The following PRDM1 variants were observed in gnomAD, a reference collection of about 807,000 sequenced individuals.
PRDM1 encodes the protein PR/SET domain 1, also known as PR domain zinc finger protein 1.
Under a neutral mutation model 62.8 loss-of-function variants are expected in PRDM1, and 13 were observed. That is an observed-to-expected ratio of 0.21 (90% confidence interval 0.13 to 0.33). PRDM1 has a LOEUF of 0.33. PRDM1 is among the 10% of genes least tolerant of loss of function. PRDM1 has a pLI of 1.00. For synonymous variants in PRDM1, 396 were observed against 417.6 expected (o/e 0.95, Z 0.63); for missense variants, 895 against 1,058.8 (o/e 0.85, Z 2.15).
chr6:106,070,716 C>T (rs1417360395), intron 1 of PRDM1, among the ~76,000 whole-genome samples: 1 of 152,120 alleles, frequency 6.6e-6, no homozygotes, highest in African/African-American at 2.4e-5. Flanking sequence ...GACTTTCCAT[C>T]TCTTTATATT....
chr6:106,016,677 C>A (rs527656842), intron 1 of PRDM1, among the ~76,000 whole-genome samples: 1 of 120,264 alleles, frequency 8.3e-6, no homozygotes, highest in African/African-American at 3.2e-5. Flanking sequence ...GAGACAAAGT[C>A]TCGCTCTGTC....
intron 1 of PRDM1, among the ~76,000 whole-genome samples, chr6:106,053,635 C>T (rs1269900278): frequency 6.6e-6 from 1 of 152,050 alleles, no homozygotes; most frequent in African/African-American, 2.4e-5. Flanking sequence ...CACCCAAGGA[C>T]TCTTAGGAAA....
Position 106,107,057 on chromosome 6 carries a change from G to C in PRDM1, c.2049G>C (p.Arg683=), listed in dbSNP as rs1774512017. 6.2e-7 allele frequency: 1 copy of C among 1,614,078 alleles called. No homozygotes were observed. Among genetic ancestry groups the C allele is most frequent in the Non-Finnish European group, 8.5e-7 (1 of 1,180,046 alleles). The change falls in exon 7 of 7, where the codon CGG becomes CGC. Residue 683 remains arginine (R), a synonymous_variant. Transcript: ENST00000369096. ...HLKLHKRLHT[R]ERPHKCSQCH... Reference sequence around the variant, plus strand: ...AACTGCACAAGCGTCTGCACACCCGGGAGCGGCCCCACAAGTGCTCCCAGT... The same window carrying C: ...AACTGCACAAGCGTCTGCACACCCGCGAGCGGCCCCACAAGTGCTCCCAGT...
chr6:106,017,828 C>A (rs1236072191), intron 1 of PRDM1, among the ~76,000 whole-genome samples: 1 of 152,076 alleles, frequency 6.6e-6, no homozygotes, highest in Non-Finnish European at 1.5e-5. Flanking sequence ...AAGGCCAGGC[C>A]CACTTTTTGA....
chr6:105,995,181 G>T (rs1772332817), intron 1 of PRDM1, among the ~76,000 whole-genome samples: 1 of 152,192 alleles, frequency 6.6e-6, no homozygotes, highest in South Asian at 2.1e-4. Flanking sequence ...GGCTTGCACG[G>T]AAGAGGGTCG....
At chr6:106,001,458 A>G (rs77087154) in intron 1 of PRDM1, among the ~76,000 whole-genome samples, 1,908 of 152,306 alleles carry the variant, frequency 0.013, 21 homozygotes, top group South Asian at 0.021. Flanking sequence ...AGTTACCCAT[A>G]TATTCTTCTA....
chr6:106,009,604 A>G lies in PRDM1; in HGVS notation c.-67+15965A>G, dbSNP rs139603326. Among the ~76,000 whole-genome samples the G allele has an allele frequency of 1.8e-4, 28 of 152,342 alleles. No individual in the cohort carries two copies. In the East Asian group the frequency reaches 5.2e-3, roughly 28 times the overall value. On this transcript the variant is annotated intron_variant, in intron 1 of 6. Transcript: ENST00000652320. ...AAAACTGTATCAAGGTGGAAACCATAAATGAACAAATTAGGGGTGCATGTA... is the reference window on the plus strand; with the variant it reads ...AAAACTGTATCAAGGTGGAAACCATGAATGAACAAATTAGGGGTGCATGTA...
intron 1 of PRDM1, among the ~76,000 whole-genome samples, chr6:106,080,618 C>G (rs1438620071): frequency 6.6e-6 from 1 of 152,204 alleles, no homozygotes; most frequent in Non-Finnish European, 1.5e-5. Context: ...GGAATTAGAA[C>G]AGCAACAAGT....
intron 1 of PRDM1, among the ~76,000 whole-genome samples, chr6:106,042,537 A>C (rs1006353360): frequency 2.6e-5 from 4 of 151,090 alleles, no homozygotes; most frequent in Non-Finnish European, 5.9e-5. Context: ...CAAAAAAAAA[A>C]AACAAACAAA....
rs2114657938 is a variant in PRDM1 at position 106,105,779 on chromosome 6, C to G, written c.1619C>G (p.Ala540Gly). 6.2e-7 allele frequency: 1 copy of G among 1,614,204 alleles called. No individual in the cohort carries two copies. The highest frequency in any genetic ancestry group is 1.1e-5 in the South Asian group (1 of 91,088). ...AAAGCTACCTCAGCAGCGATGGCAG[C>G]CCCCAGCAGCGACGAAGCCATGAAT... ...QPKATSAAMA[A>G]PSSDEAMNLI... Residue 540 changes from alanine (A) to glycine (G), a missense_variant, in exon 5 of 7, where the codon GCC becomes GGC. Around this residue, in one of 4 missense-constraint regions of PRDM1, gnomAD observed 444 missense variants for 422.7 expected, o/e 1.05. Coordinates refer to ENST00000369096, the MANE Select transcript of PRDM1 (RefSeq NM_001198.4).
chr6:106,011,930 A>G, intron 1 of PRDM1, among the ~76,000 whole-genome samples: 1 of 149,904 alleles, frequency 6.7e-6, no homozygotes, highest in Non-Finnish European at 1.5e-5. Flanking sequence ...CACACACACC[A>G]CACCTCTCCA....
At chr6:106,065,240 C>T (rs758709546) in intron 1 of PRDM1, among the ~76,000 whole-genome samples, 16 of 152,084 alleles carry the variant, frequency 1.1e-4, no homozygotes, top group Non-Finnish European at 1.9e-4. Context: ...TCAAGCAATC[C>T]TCCTGCCTCA....
chr6:106,029,373 A>G (rs768979736), intron 1 of PRDM1, among the ~76,000 whole-genome samples: 1 of 152,216 alleles, frequency 6.6e-6, no homozygotes, highest in Non-Finnish European at 1.5e-5. Context: ...CCAGCACCAT[A>G]TGTTAAAAAG....
intron 1 of PRDM1, among the ~76,000 whole-genome samples, chr6:105,999,281 C>T (rs1772399353): frequency 6.6e-6 from 1 of 151,566 alleles, no homozygotes; most frequent in Non-Finnish European, 1.5e-5. Flanking sequence ...GGGGGTTGGG[C>T]AGCAGTGGCT....
At chr6:106,003,011 C>G (rs1189573349) in intron 1 of PRDM1, among the ~76,000 whole-genome samples, 1 of 25,770 alleles carries the variant, frequency 3.9e-5, no homozygotes, top group Non-Finnish European at 7.3e-5. Context: ...TATTTTTGTT[C>G]TTTTTCTTTT....
chr6:106,007,914 T>G (rs1351483650), intron 1 of PRDM1, among the ~76,000 whole-genome samples: 1 of 152,222 alleles, frequency 6.6e-6, no homozygotes, highest in Admixed American at 6.5e-5. Context: ...AGGCCTCTCC[T>G]CTTCCCCACT....
chr6:106,012,132 C>T (rs1297587784), intron 1 of PRDM1, among the ~76,000 whole-genome samples: 11 of 129,978 alleles, frequency 8.5e-5, no homozygotes, highest in African/African-American at 3.0e-4. Flanking sequence ...CACACACAAA[C>T]ATAACACACA....
upstream of PRDM1, among the ~76,000 whole-genome samples, chr6:106,047,741 A>G (rs564541295): frequency 4.6e-5 from 7 of 152,364 alleles, no homozygotes; most frequent in African/African-American, 1.7e-4. Flanking sequence ...GGTGACAAAG[A>G]GAGTAGGAAC....
At chr6:106,053,274 T>C (rs1227196974) in intron 1 of PRDM1, among the ~76,000 whole-genome samples, 1 of 152,184 alleles carries the variant, frequency 6.6e-6, no homozygotes, top group Non-Finnish European at 1.5e-5. Flanking sequence ...TTGCAAATAA[T>C]TTAATTTGAA....
Sources: allele counts gnomAD v4.1 joint callset (sites outside exome capture counted in the v4.1 genomes callset), GRCh38; gene constraint gnomAD v4.1.1; regional missense constraint gnomAD v4.1.1; transcripts MANE v1.5; gene names NCBI Gene and HGNC (gene_info 2026-07-23, HGNC 2026-07-21).